TENM4: variants seen among roughly 807,000 people sequenced by gnomAD.
TENM4 encodes the protein teneurin-4.
A neutral mutation model predicts 243.3 loss-of-function variants in TENM4; 82 were observed. That is an observed-to-expected ratio of 0.34 (90% CI 0.28 to 0.40). The LOEUF (loss-of-function observed/expected upper bound fraction) is 0.40. Ranked by LOEUF, TENM4 falls within the 10% of genes least tolerant of loss-of-function variation. The pLI is 1.00. For synonymous variants in TENM4, 1,412 were observed against 1,456.3 expected (o/e 0.97, Z 0.69); for missense variants, 3,138 against 3,673.3 (o/e 0.85, Z 3.77).
chr11:79,196,488 CTG>C (rs752130034), intron 3 of TENM4, among the ~76,000 whole-genome samples: 9 of 152,150 alleles, frequency 5.9e-5, no homozygotes, highest in Non-Finnish European at 1.0e-4. Flanking sequence ...GTGTCTCTGT[CTG>C]TGAAACTGGG....
intron 17 of TENM4, among the ~76,000 whole-genome samples, chr11:78,777,961 T>C (rs1406832338): frequency 1.3e-5 from 2 of 152,172 alleles, no homozygotes; most frequent in African/African-American, 4.8e-5. Context: ...TTACTTTGCC[T>C]CTAGGGAACA....
At chr11:79,373,597 G>C (rs184376190) in intron 1 of TENM4, among the ~76,000 whole-genome samples, 11 of 152,278 alleles carry the variant, frequency 7.2e-5, no homozygotes, top group African/African-American at 2.4e-4. Flanking sequence ...AATAAACGCA[G>C]TGAAGGAAAG....
Position 79,061,469 on chromosome 11 carries a change from A to T in TENM4, c.493+3269T>A, listed in dbSNP as rs145681507. On this transcript the variant is annotated intron_variant, in intron 6 of 33. Coordinates refer to ENST00000278550, the MANE Select transcript of TENM4 (RefSeq NM_001098816.3). ...TGGGGAAATGGACGATCACAAAGAA[A>T]TGACAACATGGCCAGGGGAGCAGGC... Among the ~76,000 whole-genome samples, 1,020 of 152,320 alleles carry T rather than the reference A, an allele frequency of 6.7e-3. 8 individuals are homozygous for T. The highest frequency in any genetic ancestry group is 0.023 in the African/African-American group (948 of 41,560).
At chr11:79,079,458 T>C (rs911910409) in intron 4 of TENM4, among the ~76,000 whole-genome samples, 1 of 152,226 alleles carries the variant, frequency 6.6e-6, no homozygotes, top group African/African-American at 2.4e-5. Flanking sequence ...CAGATTCCTT[T>C]GGTCTACATC....
At chr11:78,962,270 C>T (rs1857343310) in intron 6 of TENM4, 1 of 150,678 alleles carries the variant, frequency 6.6e-6, no homozygotes, top group African/African-American at 2.5e-5. Context: ...GCCTCTGGCT[C>T]TCATTGGCCG....
intron 2 of TENM4, among the ~76,000 whole-genome samples, chr11:79,268,719 T>C (rs764173985): frequency 6.6e-6 from 1 of 152,230 alleles, no homozygotes; most frequent in African/African-American, 2.4e-5. Flanking sequence ...GTCCCAACTC[T>C]CATAATGTAA....
chr11:78,738,348 C>A, intron 20 of TENM4, 103 bp downstream of exon 20: 1 of 1,455,182 alleles, frequency 6.9e-7, no homozygotes. Context: ...CCCTCTGAAT[C>A]CAAGACCCAT....
intron 1 of TENM4, 63 bp from the exon 2 acceptor site, chr11:79,297,606 G>A (rs953808375): frequency 1.3e-5 from 2 of 152,566 alleles, no homozygotes; most frequent in South Asian, 2.1e-4. Flanking sequence ...ACGCATCATC[G>A]GTTTTATGCC....
chr11:79,242,666 C>T (rs943218920), intron 2 of TENM4, among the ~76,000 whole-genome samples: 13 of 152,318 alleles, frequency 8.5e-5, no homozygotes, highest in Middle Eastern at 3.4e-3. Context: ...TATGAATGAA[C>T]CATAATTTAC....
intron 1 of TENM4, among the ~76,000 whole-genome samples, chr11:79,321,573 G>A (rs1021759752): frequency 2.0e-5 from 3 of 150,110 alleles, no homozygotes; most frequent in African/African-American, 7.4e-5. Flanking sequence ...GAGGAAGCAG[G>A]CGATCTCAGT....
rs566447704 is a variant in TENM4, at chr11:78,875,125, G to A, written c.1085-11993C>T. Among the ~76,000 whole-genome samples, 8 of 152,310 alleles carry A rather than the reference G, an allele frequency of 5.3e-5. No individual in the cohort carries two copies. In the South Asian group the frequency reaches 1.0e-3, roughly 20 times the overall value. ...TGAAGCACTTTGGGTGCAAACCGCC[G>A]CCCCAGTCAGTGCACATGTGCATGG... On this transcript the variant is annotated intron_variant, in intron 9 of 33. Coordinates refer to ENST00000278550, the MANE Select transcript of TENM4 (RefSeq NM_001098816.3).
At chr11:79,383,811 A>G (rs1225474022) in intron 1 of TENM4, among the ~76,000 whole-genome samples, 1 of 152,178 alleles carries the variant, frequency 6.6e-6, no homozygotes, top group African/African-American at 2.4e-5. Context: ...AGATTTTTCA[A>G]TTCATCATTC....
intron 4 of TENM4, among the ~76,000 whole-genome samples, chr11:79,130,368 T>C (rs1346099209): frequency 6.6e-6 from 1 of 151,702 alleles, no homozygotes; most frequent in Admixed American, 6.6e-5. Context: ...TCACTAGCAA[T>C]GGATCTAAAC....
In TENM4 at chr11:79,410,336, C is replaced by T. The variant is rs147203693; in HGVS notation, c.-321+30173G>A. Among the ~76,000 whole-genome samples, 3 of 152,316 alleles carry T rather than the reference C, an allele frequency of 2.0e-5. No homozygotes were observed. In the East Asian group the frequency reaches 5.8e-4, roughly 29 times the overall value. On this transcript the variant is annotated intron_variant, in intron 1 of 33. Coordinates refer to ENST00000278550, the MANE Select transcript of TENM4 (RefSeq NM_001098816.3). ...ACCTCTCCAGTGCTCCATCATACCA[C>T]ACTGTTTAATTTCCTCTCTGATCAC...
At chr11:79,370,864 A>G (rs1194310331) in intron 1 of TENM4, among the ~76,000 whole-genome samples, 1 of 150,902 alleles carries the variant, frequency 6.6e-6, no homozygotes, top group Non-Finnish European at 1.5e-5. Context: ...ATTAAAATAG[A>G]TGTACATAGT....
At chr11:78,875,589 T>C (rs1859249988) in intron 9 of TENM4, among the ~76,000 whole-genome samples, 2 of 152,084 alleles carry the variant, frequency 1.3e-5, no homozygotes, top group South Asian at 4.1e-4. Context: ...CCCCAGCATA[T>C]GGGAAGGGTA....
Position 78,856,067 on chromosome 11 carries a change from A to G in TENM4, c.1367T>C (p.Val456Ala). 1 of 1,551,732 alleles carries G rather than the reference A, an allele frequency of 6.4e-7. No homozygotes were observed. The highest frequency in any genetic ancestry group is 8.7e-7 in the Non-Finnish European group (1 of 1,147,004). ...CAGATGCACAGGATGGTCTATGAAC[A>G]CTTGAGATCTCCAGAAAGTGCCAGG... Reference protein sequence around the residue: ...IPPGTFWRSQVFIDHPVHLKF... With the variant: ...IPPGTFWRSQAFIDHPVHLKF... The change falls in exon 11 of 34, where the codon GTG (valine) becomes GCG (alanine). Residue 456 changes from valine to alanine, a missense_variant. Coordinates refer to ENST00000278550, the MANE Select transcript of TENM4 (RefSeq NM_001098816.3).
At chr11:78,777,692 G>T (rs1325413099) in intron 17 of TENM4, among the ~76,000 whole-genome samples, 1 of 152,138 alleles carries the variant, frequency 6.6e-6, no homozygotes, top group African/African-American at 2.4e-5. Flanking sequence ...TTCCCTGAGT[G>T]TTGAAGCTGG....
At chr11:78,955,241 C>A (rs1857183962) in intron 6 of TENM4, among the ~76,000 whole-genome samples, 1 of 152,244 alleles carries the variant, frequency 6.6e-6, no homozygotes, top group Admixed American at 6.5e-5. Context: ...TTTCTCCAAT[C>A]TCACAGGACT....
Sources: gnomAD v4.1 joint callset for allele counts (sites outside exome capture counted in the v4.1 genomes callset) on GRCh38, gnomAD v4.1.1 for gene constraint, MANE v1.5 for transcripts, NCBI Gene and HGNC (gene_info 2026-07-23, HGNC 2026-07-21) for gene names.